Variants in MAP3K5 observed in about 807,000 individuals in gnomAD.
MAP3K5 encodes mitogen-activated protein kinase kinase kinase 5.
MAP3K5 carries 56 observed loss-of-function variants against 158.7 expected under a neutral mutation model. The ratio of observed to expected loss-of-function variants is 0.35; its 90% CI spans 0.28 to 0.44. The LOEUF (loss-of-function observed/expected upper bound fraction) is 0.44, where lower values mean the gene tolerates loss of function less well. MAP3K5 is among the 20% of genes least tolerant of loss of function. The probability of loss-of-function intolerance (pLI) is 1.00; values close to 1 mark genes in which losing one functional copy is unlikely to be tolerated. For synonymous variants in MAP3K5, 579 were observed against 601.7 expected (o/e 0.96, Z 0.55); for missense variants, 1,294 against 1,674.8 (o/e 0.77, Z 3.97).
At chr6:136,720,392 A>T (rs1468696668) in intron 2 of MAP3K5, 58 bp downstream of exon 2, 1 of 1,463,532 alleles carries the variant, frequency 6.8e-7, no homozygotes, top group Non-Finnish European at 9.1e-7. Flanking sequence ...TGGATGACAA[A>T]CCGGTATCCC....
chr6:136,695,258 C>A (rs966161514), intron 6 of MAP3K5, among the ~76,000 whole-genome samples: 7 of 152,142 alleles, frequency 4.6e-5, no homozygotes, highest in African/African-American at 1.7e-4. Flanking sequence ...CTGCCTCAGC[C>A]TCCCGAGTAG....
chr6:136,561,759 A>C (rs894725262), intron 27 of MAP3K5, 114 bp from the exon 28 acceptor site: 5 of 626,130 alleles, frequency 8.0e-6, no homozygotes, highest in Non-Finnish European at 1.4e-5. Flanking sequence ...CTATCAGAGA[A>C]CAGTTCATAG....
intron 1 of MAP3K5, among the ~76,000 whole-genome samples, chr6:136,752,926 C>A (rs894559841): frequency 1.3e-5 from 2 of 152,198 alleles, no homozygotes; most frequent in African/African-American, 2.4e-5. Flanking sequence ...ACATGCTCAT[C>A]CCAGATCTCT....
intron 1 of MAP3K5, among the ~76,000 whole-genome samples, chr6:136,721,454 A>C (rs1781744239): frequency 6.6e-6 from 1 of 152,218 alleles, no homozygotes; most frequent in Non-Finnish European, 1.5e-5. Flanking sequence ...TCCAAGGCTC[A>C]AAGATGACCA....
At chr6:136,676,100 T>C (rs931090009) in intron 7 of MAP3K5, among the ~76,000 whole-genome samples, 3 of 152,210 alleles carry the variant, frequency 2.0e-5, no homozygotes, top group African/African-American at 4.8e-5. Context: ...TTTATAATAA[T>C]CTGAAATTCT....
At chr6:136,756,875 C>T (rs1452338776) in intron 1 of MAP3K5, among the ~76,000 whole-genome samples, 1 of 152,206 alleles carries the variant, frequency 6.6e-6, no homozygotes, top group East Asian at 1.9e-4. Flanking sequence ...TTTTCCTCTT[C>T]CATCTCATTA....
intron 1 of MAP3K5, among the ~76,000 whole-genome samples, chr6:136,776,010 G>A (rs1363825874): frequency 3.9e-5 from 6 of 152,160 alleles, no homozygotes; most frequent in African/African-American, 7.2e-5. Flanking sequence ...AACCTATTTC[G>A]TTAATAAAAC....
rs533550696 is a variant in MAP3K5 at position 136,628,261 on chromosome 6, A to T, written c.2017-5280T>A. Among the ~76,000 whole-genome samples the T allele has an allele frequency of 2.5e-4, 38 of 152,218 alleles. No individual in the cohort carries two copies. The East Asian group carries it at 6.2e-3, about 25-fold the overall frequency. On this transcript the variant is annotated intron_variant, in intron 14 of 29. Coordinates refer to ENST00000359015, the MANE Select transcript of MAP3K5 (RefSeq NM_005923.4). ...TCAACAGCTGGGACTTCAGGTGTAC[A>T]GCACTATGTCCAGCTAATTTTTTCT...
At chr6:136,638,097 G>A (rs924443435) in intron 13 of MAP3K5, among the ~76,000 whole-genome samples, 25 of 151,866 alleles carry the variant, frequency 1.6e-4, no homozygotes, top group African/African-American at 5.6e-4. Flanking sequence ...ACATTTCTTG[G>A]AGGTCCATGA....
intron 1 of MAP3K5, among the ~76,000 whole-genome samples, chr6:136,731,506 A>C (rs1268655051): frequency 6.6e-6 from 1 of 152,172 alleles, no homozygotes; most frequent in African/African-American, 2.4e-5. Flanking sequence ...CTCTTTTACA[A>C]GGACACTTGT....
At position 136,601,848 on chromosome 6, in the gene MAP3K5, A is replaced by G. The variant is rs1804706; in HGVS notation, c.2811T>C (p.Phe937=). The change falls in exon 20 of 30, where the codon TTT becomes TTC. Residue 937 remains phenylalanine, a synonymous_variant. Transcript: ENST00000359015. ...ACANDLLVDE[F]LKVSSKKKKT... The stretch of plus-strand genomic sequence containing the variant: ...TTTTCTTTTTGCTTGAAACTTTTAA[A>G]AACTCATCAACAAGCAAGTCGTTAG... The G allele has an allele frequency of 6.2e-7, 1 of 1,614,160 alleles. No individual in the cohort carries two copies. Among genetic ancestry groups the G allele is most frequent in the East Asian group, 2.2e-5 (1 of 44,880 alleles).
At chr6:136,677,295 G>A (rs1214306528) in intron 7 of MAP3K5, among the ~76,000 whole-genome samples, 3 of 151,622 alleles carry the variant, frequency 2.0e-5, no homozygotes, top group Non-Finnish European at 4.4e-5. Flanking sequence ...CCGCCACCAC[G>A]CCCGGCTAAT....
At chr6:136,601,364 A>T (rs1775868727) in intron 20 of MAP3K5, among the ~76,000 whole-genome samples, 1 of 151,944 alleles carries the variant, frequency 6.6e-6, no homozygotes, top group Non-Finnish European at 1.5e-5. Context: ...AGAAGTATAT[A>T]CCCTAAGAGG....
chr6:136,703,153 G>A (rs1314312039), intron 3 of MAP3K5, among the ~76,000 whole-genome samples: 2 of 152,116 alleles, frequency 1.3e-5, no homozygotes, highest in Non-Finnish European at 2.9e-5. Context: ...CAAATGTATT[G>A]ATAGAGATGC....
intron 25 of MAP3K5, among the ~76,000 whole-genome samples, chr6:136,568,893 T>G (rs998984086): frequency 6.7e-6 from 1 of 148,442 alleles, no homozygotes; most frequent in South Asian, 2.1e-4. Flanking sequence ...TTGGATGATA[T>G]TGTAAACCAA....
chr6:136,602,117 G>A lies in MAP3K5; in HGVS notation c.2680-138C>T, dbSNP rs952723401. The A allele has an allele frequency of 1.8e-5, 12 of 670,540 alleles. No homozygotes were observed. The African/African-American group carries it at 2.2e-4, about 12-fold the overall frequency. 41.5% of individuals were successfully genotyped at this position (670,540 alleles called of 1,614,324 possible). On this transcript the variant is annotated intron_variant, in intron 19 of 29. Transcript: ENST00000359015. ...CACAAACTTATGGCTTTTCTCAAAG[G>A]GAGATAAGATGTGTTTGCTGCAGGT...
At chr6:136,775,229 G>A (rs1167700676) in intron 1 of MAP3K5, among the ~76,000 whole-genome samples, 1 of 152,114 alleles carries the variant, frequency 6.6e-6, no homozygotes, top group Non-Finnish European at 1.5e-5. Flanking sequence ...AAGCAACTAG[G>A]CAATGTGCTG....
At chr6:136,730,490 G>A (rs1456943852) in intron 1 of MAP3K5, among the ~76,000 whole-genome samples, 1 of 152,004 alleles carries the variant, frequency 6.6e-6, no homozygotes, top group Non-Finnish European at 1.5e-5. Flanking sequence ...GGCAGGCAGA[G>A]GCGGGTAGAT....
chr6:136,674,787 C>G lies in MAP3K5; in HGVS notation c.1254-5392G>C, dbSNP rs61131879. On this transcript the variant is annotated intron_variant, in intron 7 of 29. Transcript: ENST00000359015. Reference sequence around the variant, plus strand: ...ATCTAAAATGCTCCAAAATCCAAAACTTTTTGAGTGCCAACATGATGCTCA... The same window carrying G: ...ATCTAAAATGCTCCAAAATCCAAAAGTTTTTGAGTGCCAACATGATGCTCA... Among the ~76,000 whole-genome samples, 1,394 of 151,986 alleles carry G rather than the reference C, an allele frequency of 9.2e-3. 16 individuals are homozygous for G. Among genetic ancestry groups the G allele is most frequent in the African/African-American group, 0.03 (1,244 of 41,528 alleles).
Sources: allele counts gnomAD v4.1 joint callset (sites outside exome capture counted in the v4.1 genomes callset), GRCh38; gene constraint gnomAD v4.1.1; transcripts MANE v1.5; gene names NCBI Gene and HGNC (gene_info 2026-07-23, HGNC 2026-07-21).